CYRIA: variants seen among roughly 807,000 people sequenced by gnomAD.
The protein encoded by CYRIA is CYFIP related Rac1 interactor A.
CYRIA carries 15 observed loss-of-function variants against 43.9 expected under a neutral mutation model. That is an observed-to-expected ratio of 0.34 (90% confidence interval 0.23 to 0.53). CYRIA has a LOEUF of 0.53. CYRIA is among the 20% of genes least tolerant of loss of function. CYRIA has a pLI of 0.94. For missense variants in CYRIA, 236 were observed against 394.2 expected (o/e 0.60, Z 3.40); for synonymous variants, 117 against 136.0 (o/e 0.86, Z 0.97).
chr2:16,604,372 G>A (rs1429605793), intron 2 of CYRIA, among the ~76,000 whole-genome samples: 1 of 152,216 alleles, frequency 6.6e-6, no homozygotes, highest in Non-Finnish European at 1.5e-5. Context: ...GTCCCACAGT[G>A]CTCTGCAAAG....
intron 3 of CYRIA, among the ~76,000 whole-genome samples, chr2:16,579,396 C>A (rs374487644): frequency 4.2e-4 from 62 of 149,358 alleles, no homozygotes; most frequent in African/African-American, 1.5e-3. Context: ...AATATGAAGG[C>A]CTTATTAAAA....
intron 1 of CYRIA, among the ~76,000 whole-genome samples, chr2:16,653,438 A>G (rs1387951168): frequency 6.6e-6 from 1 of 152,132 alleles, no homozygotes; most frequent in Non-Finnish European, 1.5e-5. Context: ...CCTATTTAAA[A>G]TAGCAACTCT....
chr2:16,641,423 G>A (rs1305726295), intron 1 of CYRIA, among the ~76,000 whole-genome samples: 1 of 151,932 alleles, frequency 6.6e-6, no homozygotes, highest in African/African-American at 2.4e-5. Context: ...TCCTCCATTT[G>A]TTTAATTCTA....
At chr2:16,616,211 C>G (rs1037095063) in intron 2 of CYRIA, among the ~76,000 whole-genome samples, 39 of 152,218 alleles carry the variant, frequency 2.6e-4, no homozygotes, top group African/African-American at 9.4e-4. Flanking sequence ...TCTCCCTCCT[C>G]CTGACTCCAG....
intron 1 of CYRIA, among the ~76,000 whole-genome samples, chr2:16,628,807 C>T (rs775419333): frequency 3.4e-4 from 52 of 152,210 alleles, no homozygotes; most frequent in Non-Finnish European, 6.0e-4. Flanking sequence ...CACAAATACT[C>T]TTTCCAAATA....
intron 2 of CYRIA, among the ~76,000 whole-genome samples, chr2:16,615,725 C>A (rs558403609): frequency 6.6e-6 from 1 of 152,246 alleles, no homozygotes; most frequent in Non-Finnish European, 1.5e-5. Context: ...AAATCTAGAT[C>A]GCTAAATGCA....
chr2:16,614,637 T>A (rs6724022), intron 2 of CYRIA, among the ~76,000 whole-genome samples: 27,191 of 152,094 alleles, frequency 0.18, 3,700 homozygotes, highest in East Asian at 0.79. Context: ...CAACATGAGG[T>A]CTGAGTTGCT....
chr2:16,622,964 A>C (rs1215068773), intron 2 of CYRIA: 3 of 152,198 alleles, frequency 2.0e-5, no homozygotes, highest in African/African-American at 7.2e-5. Context: ...TAGCTTCGTG[A>C]AATGCTTCTG....
chr2:16,663,256 A>T (rs1279480222), intron 1 of CYRIA, among the ~76,000 whole-genome samples: 2 of 152,220 alleles, frequency 1.3e-5, no homozygotes, highest in Non-Finnish European at 2.9e-5. Flanking sequence ...GGCCAGTAGG[A>T]TAGATGCTGT....
intron 2 of CYRIA, among the ~76,000 whole-genome samples, chr2:16,606,768 C>T (rs1362342928): frequency 6.6e-5 from 10 of 151,948 alleles, no homozygotes; most frequent in Admixed American, 5.9e-4. Context: ...ATTCGATGGC[C>T]CCAGGACCTT....
intron 3 of CYRIA, among the ~76,000 whole-genome samples, chr2:16,587,725 A>G (rs1350609695): frequency 6.6e-6 from 1 of 152,014 alleles, no homozygotes; most frequent in Admixed American, 6.6e-5. Flanking sequence ...ATGACAGTGA[A>G]TAGGAGTTTC....
chr2:16,615,265 A>G (rs188924592), intron 2 of CYRIA, among the ~76,000 whole-genome samples: 14 of 152,312 alleles, frequency 9.2e-5, no homozygotes, highest in African/African-American at 3.4e-4. Context: ...GCACTTGACT[A>G]AAGATCTGAA....
At chr2:16,618,669 C>T (rs1668888758) in intron 2 of CYRIA, among the ~76,000 whole-genome samples, 1 of 152,194 alleles carries the variant, frequency 6.6e-6, no homozygotes, top group Non-Finnish European at 1.5e-5. Flanking sequence ...AGAACTGAGG[C>T]ATGGTTAGGT....
At chr2:16,556,476 A>C (rs747834442) in intron 10 of CYRIA, among the ~76,000 whole-genome samples, 31 of 152,170 alleles carry the variant, frequency 2.0e-4, no homozygotes, top group Non-Finnish European at 4.3e-4. Flanking sequence ...GACAATGCAG[A>C]TGTGGAAGGG....
At chr2:16,623,152 T>G (rs917489545) in intron 2 of CYRIA, 15 of 152,226 alleles carry the variant, frequency 9.9e-5, no homozygotes, top group African/African-American at 3.6e-4. Flanking sequence ...GTAAGAGAGA[T>G]GTGTTAATAT....
At chr2:16,625,039 G>C (rs1436570625) in intron 1 of CYRIA, among the ~76,000 whole-genome samples, 4 of 152,218 alleles carry the variant, frequency 2.6e-5, no homozygotes, top group Non-Finnish European at 4.4e-5. Flanking sequence ...GCAAACACTA[G>C]AGTTGTCTGT....
chr2:16,634,687 G>A (rs1296760199), intron 1 of CYRIA, among the ~76,000 whole-genome samples: 1 of 152,214 alleles, frequency 6.6e-6, no homozygotes, highest in African/African-American at 2.4e-5. Flanking sequence ...GGCAGAACAA[G>A]GTCCAGAGGA....
At chr2:16,661,316 G>T (rs1670248249) in intron 1 of CYRIA, among the ~76,000 whole-genome samples, 1 of 152,224 alleles carries the variant, frequency 6.6e-6, no homozygotes, top group South Asian at 2.1e-4. Context: ...AGTCACCTTT[G>T]TATCTGAAGA....
intron 3 of CYRIA, among the ~76,000 whole-genome samples, chr2:16,575,245 G>T (rs1039222445): frequency 5.9e-5 from 9 of 152,156 alleles, no homozygotes; most frequent in African/African-American, 2.2e-4. Flanking sequence ...GATTTTACAG[G>T]CTCATAGGTG....
Sources: gnomAD v4.1 joint callset for allele counts (sites outside exome capture counted in the v4.1 genomes callset) on GRCh38, gnomAD v4.1.1 for gene constraint, MANE v1.5 for transcripts, NCBI Gene and HGNC (gene_info 2026-07-23, HGNC 2026-07-21) for gene names.